The following LRRIQ3 variants were observed in gnomAD, a reference collection of about 807,000 sequenced individuals.
LRRIQ3 encodes leucine-rich repeat and IQ domain-containing protein 3.
Under a neutral mutation model 59.3 loss-of-function variants are expected in LRRIQ3, and 75 were observed. That is an observed-to-expected ratio of 1.26 (90% CI 1.05 to 1.53). LRRIQ3 has a LOEUF of 1.53. LRRIQ3 is among the 40% of genes most tolerant of loss of function. The pLI is 0.00. For synonymous variants in LRRIQ3, 250 were observed against 231.3 expected (o/e 1.08, Z -0.73); for missense variants, 831 against 710.0 (o/e 1.17, Z -1.94).
At chr1:74,108,024 A>G (rs1020509429) in intron 5 of LRRIQ3, among the ~76,000 whole-genome samples, 1 of 151,802 alleles carries the variant, frequency 6.6e-6, no homozygotes, top group Non-Finnish European at 1.5e-5. Context: ...ATAACTTTAT[A>G]CATACTAAAA....
chr1:74,171,383 T>C (rs935861073), intron 3 of LRRIQ3, among the ~76,000 whole-genome samples: 1 of 152,200 alleles, frequency 6.6e-6, no homozygotes, highest in African/African-American at 2.4e-5. Flanking sequence ...TCAAATGTTT[T>C]TCTGCATCTA....
At chr1:74,155,064 A>C (rs377465192) in intron 4 of LRRIQ3, among the ~76,000 whole-genome samples, 1 of 152,322 alleles carries the variant, frequency 6.6e-6, no homozygotes, top group African/African-American at 2.4e-5. Context: ...TTGCTTTATC[A>C]ACAAATGTCT....
chr1:74,062,744 C>A (rs1654759783), intron 6 of LRRIQ3, among the ~76,000 whole-genome samples: 1 of 151,978 alleles, frequency 6.6e-6, no homozygotes. Context: ...AACAGAAAAC[C>A]AAATACCACA....
intron 5 of LRRIQ3, among the ~76,000 whole-genome samples, chr1:74,075,561 C>T (rs1294153942): frequency 1.3e-5 from 2 of 150,066 alleles, no homozygotes; most frequent in East Asian, 1.9e-4. Context: ...AGCGAGACTC[C>T]GTCTCAGAAA....
chr1:74,183,734 T>C (rs1313985735), intron 1 of LRRIQ3, 50 bp from the exon 2 acceptor site: 1 of 1,393,846 alleles, frequency 7.2e-7, no homozygotes, highest in Admixed American at 2.8e-5. Context: ...TTTCAAAAAT[T>C]TACCTGAAAA....
intron 4 of LRRIQ3, chr1:74,144,438 G>A (rs1218945872): frequency 3.0e-6 from 1 of 334,418 alleles, no homozygotes; most frequent in South Asian, 2.5e-5. Context: ...AAGGAAACTA[G>A]ATTAATATTT....
chr1:74,087,447 G>A (rs1646340482), intron 5 of LRRIQ3, among the ~76,000 whole-genome samples: 1 of 112,790 alleles, frequency 8.9e-6, no homozygotes, highest in Non-Finnish European at 1.7e-5. Context: ...CCACCACAGA[G>A]TTGGTGTTTA....
chr1:74,114,747 A>T (rs1274102987), intron 4 of LRRIQ3, among the ~76,000 whole-genome samples: 1 of 151,746 alleles, frequency 6.6e-6, no homozygotes, highest in Non-Finnish European at 1.5e-5. Context: ...AAAAAAAAAA[A>T]AAATGCACCA....
At chr1:74,066,946 T>G (rs954795853) in intron 6 of LRRIQ3, among the ~76,000 whole-genome samples, 2 of 152,154 alleles carry the variant, frequency 1.3e-5, no homozygotes, top group African/African-American at 4.8e-5. Flanking sequence ...GTGACACACT[T>G]ACTTTGAGTC....
intron 6 of LRRIQ3, among the ~76,000 whole-genome samples, chr1:74,073,752 C>T (rs1646164684): frequency 6.6e-6 from 1 of 151,904 alleles, no homozygotes; most frequent in African/African-American, 2.4e-5. Flanking sequence ...GATAAAGACA[C>T]CATCATGGGA....
chr1:74,092,116 T>C (rs556631323), intron 5 of LRRIQ3, among the ~76,000 whole-genome samples: 5 of 152,220 alleles, frequency 3.3e-5, no homozygotes, highest in African/African-American at 9.6e-5. Flanking sequence ...TCCTCTTTCT[T>C]GATGGCTGGA....
chr1:74,182,473 A>G, intron 3 of LRRIQ3, 65 bp downstream of exon 3: 1 of 983,912 alleles, frequency 1.0e-6, no homozygotes. Flanking sequence ...TAGATATAGA[A>G]CTCAGAAGCT....
chr1:74,092,542 A>G (rs1646406001), intron 5 of LRRIQ3, among the ~76,000 whole-genome samples: 2 of 152,042 alleles, frequency 1.3e-5, no homozygotes, highest in Admixed American at 1.3e-4. Flanking sequence ...AAGGCAGGCT[A>G]CATGCTGACT....
At chr1:74,166,969 G>A (rs1649028256) in intron 3 of LRRIQ3, among the ~76,000 whole-genome samples, 1 of 151,768 alleles carries the variant, frequency 6.6e-6, no homozygotes, top group South Asian at 2.1e-4. Context: ...GCGTGGATGT[G>A]GTGAAAAGGG....
intron 1 of LRRIQ3, among the ~76,000 whole-genome samples, chr1:74,187,894 A>C: frequency 6.6e-6 from 1 of 152,310 alleles, no homozygotes; most frequent in Non-Finnish European, 1.5e-5. Flanking sequence ...CAGAAACAAC[A>C]TTTGACCCAG....
intron 6 of LRRIQ3, among the ~76,000 whole-genome samples, chr1:74,044,394 G>C (rs1570017737): frequency 6.6e-6 from 1 of 152,020 alleles, no homozygotes; most frequent in South Asian, 2.1e-4. Context: ...GTTCATATGA[G>C]AGCTAGTTGT....
At chr1:74,038,167 C>G (rs746719038) in intron 7 of LRRIQ3, among the ~76,000 whole-genome samples, 9 of 152,170 alleles carry the variant, frequency 5.9e-5, no homozygotes, top group Non-Finnish European at 1.0e-4. Context: ...AGGTATCCCC[C>G]ACAGCCCAAC....
chr1:74,035,018 A>G (rs866960556), intron 7 of LRRIQ3, among the ~76,000 whole-genome samples: 1 of 152,036 alleles, frequency 6.6e-6, no homozygotes, highest in Non-Finnish European at 1.5e-5. Context: ...AAAGACTTTG[A>G]AAGGGTAAAA....
intron 4 of LRRIQ3, among the ~76,000 whole-genome samples, chr1:74,126,027 A>C (rs1382502973): frequency 6.6e-6 from 1 of 151,724 alleles, no homozygotes; most frequent in East Asian, 1.9e-4. Flanking sequence ...CTTCGATCTT[A>C]TTACTTGTTT....
Sources: gnomAD v4.1 joint callset for allele counts (sites outside exome capture counted in the v4.1 genomes callset) on GRCh38, gnomAD v4.1.1 for gene constraint, MANE v1.5 for transcripts, NCBI Gene and HGNC (gene_info 2026-07-23, HGNC 2026-07-21) for gene names.